MCFD2: variants seen among roughly 807,000 people sequenced by gnomAD.
The protein encoded by MCFD2 is multiple coagulation factor deficiency 2, ER cargo receptor complex subunit.
In MCFD2, 11 loss-of-function variants were observed where a neutral mutation model predicts 12.8. The observed-to-expected ratio is 0.86, with a 90% CI of 0.54 to 1.42. The LOEUF is 1.42. Among genes scored for constraint, MCFD2 ranks in the 40% most tolerant of loss-of-function variants. The pLI is 0.00. For synonymous variants in MCFD2, 70 were observed against 68.1 expected, an observed-to-expected ratio of 1.03 and a Z score of -0.14; for missense variants, 191 against 178.6, an observed-to-expected ratio of 1.07 and a Z score of -0.40.
chr2:46,922,369 G>A (rs1050877370), intron 1 of MCFD2, among the ~76,000 whole-genome samples: 1 of 152,084 alleles, frequency 6.6e-6, no homozygotes, highest in East Asian at 1.9e-4. Flanking sequence ...ATGTGGCCTG[G>A]GCTGAGGCTA....
rs1670350774 is a variant in MCFD2, at chr2:46,941,365, T to TGCC, written c.-8+206_-8+207insGGC. 1 of 335,198 alleles carries TGCC rather than the reference T, an allele frequency of 3.0e-6. No individual in the cohort carries two copies. Among genetic ancestry groups the TGCC allele is most frequent in the Non-Finnish European group, 4.6e-6 (1 of 216,602 alleles). The allele number at this position is 335,198 out of a possible 1,614,324, so 20.8% of individuals were successfully genotyped here. A position where few individuals can be genotyped will look rare whatever the true frequency, so the allele number is the denominator to read the frequency against. On this transcript the variant is annotated intron_variant, in intron 1 of 2. Transcript: ENST00000409147. The surrounding 1 kb of genome is among the most constrained non-coding windows in gnomAD (Gnocchi z 4.2). The stretch of plus-strand genomic sequence containing the variant: ...CGGGCGGTGCGCTGGGAGCTGCTGG[T>TGCC]GCTGCTGCTGCTGCTGCTGCCCACC...
intron 1 of MCFD2, among the ~76,000 whole-genome samples, chr2:46,909,664 G>T (rs1668401389): frequency 6.6e-6 from 1 of 152,216 alleles, no homozygotes. Flanking sequence ...TGCAGGGACT[G>T]AAGGACCACA....
intron 1 of MCFD2, among the ~76,000 whole-genome samples, chr2:46,935,610 T>C (rs1669940164): frequency 6.6e-6 from 1 of 152,162 alleles, no homozygotes; most frequent in Admixed American, 6.5e-5. Flanking sequence ...TTTACTTTTC[T>C]AGATAGCATT....
At chr2:46,911,951 G>A (rs1281781044) in intron 1 of MCFD2, among the ~76,000 whole-genome samples, 1 of 152,086 alleles carries the variant, frequency 6.6e-6, no homozygotes, top group Non-Finnish European at 1.5e-5. Context: ...TATATGGATC[G>A]GATACAAAAG....
chr2:46,927,137 T>C (rs13419141), intron 1 of MCFD2, among the ~76,000 whole-genome samples: 1 of 151,994 alleles, frequency 6.6e-6, no homozygotes, highest in Non-Finnish European at 1.5e-5. Flanking sequence ...TTGTATGTAG[T>C]TGGAGTCACA....
chr2:46,908,361 G>GT lies in MCFD2; in HGVS notation c.150-393dup, dbSNP rs1668335468. The GT allele has an allele frequency of 9.6e-6, 3 of 313,362 alleles. No individual in the cohort carries two copies. The highest frequency in any genetic ancestry group is 1.8e-5 in the Non-Finnish European group (3 of 163,118). 19.4% of individuals were successfully genotyped at this position (313,362 alleles called of 1,614,324 possible). ...TTGTAGCCTCAACTTCCCAAGCTCA[G>GT]TTGATTCTCCCACTTCAGCCCCCCA... On this transcript the variant is annotated intron_variant, in intron 2 of 3. Coordinates refer to ENST00000319466, the MANE Select transcript of MCFD2 (RefSeq NM_139279.6). This position sits in a 1 kb window ranked among gnomAD's most constrained non-coding sequence, Gnocchi z 4.5.
intron 1 of MCFD2, among the ~76,000 whole-genome samples, chr2:46,934,000 C>T (rs952942262): frequency 6.6e-6 from 1 of 152,118 alleles, no homozygotes; most frequent in Non-Finnish European, 1.5e-5. Context: ...CACTTGGTGA[C>T]CTCCAGCCCA....
At chr2:46,919,861 T>A (rs754951883), upstream of MCFD2, among the ~76,000 whole-genome samples, 3 of 152,266 alleles carry the variant, frequency 2.0e-5, no homozygotes, top group Non-Finnish European at 2.9e-5. Context: ...TCTATCACCC[T>A]TGCATTGGAT....
chr2:46,938,376 A>T (rs995924095), intron 1 of MCFD2, among the ~76,000 whole-genome samples: 1 of 152,088 alleles, frequency 6.6e-6, no homozygotes, highest in African/African-American at 2.4e-5. Context: ...CTTGGGTCAT[A>T]CGCCTATCTA....
rs924559890 is a variant in MCFD2 at position 46,930,493 on chromosome 2, T to C, written c.-8+11079A>G. ...AAGAAGAAATGGAAATTTGAAGTCC[T>C]ATAATTTTTTTTTTTTTTTTTTTTA... On this transcript the variant is annotated intron_variant, in intron 1 of 2. Coordinates refer to the MCFD2 transcript ENST00000409147. Among the ~76,000 whole-genome samples the C allele has an allele frequency of 2.4e-4, 35 of 146,984 alleles. No homozygotes were observed. The East Asian group carries it at 6.5e-3, about 27-fold the overall frequency.
At chr2:46,915,654 C>G (rs574244030) in intron 1 of MCFD2, 69 bp downstream of exon 1, 3 of 570,400 alleles carry the variant, frequency 5.3e-6, no homozygotes, top group East Asian at 3.0e-4. Context: ...CATCTTGAGC[C>G]CAAGCCTCCA....
In MCFD2 at chr2:46,905,605, C is replaced by G. The variant is rs144139062; in HGVS notation, c.310-11G>C. 9.9e-4 allele frequency: 1,510 copies of G among 1,522,600 alleles called. 15 individuals are homozygous for G. The African/African-American group carries it at 0.02, about 20-fold the overall frequency. 94.3% of individuals were successfully genotyped at this position (1,522,600 alleles called of 1,614,324 possible). ...CTGTTCACTCCCTTCCTACAAAATACAAATTAGACAATGATGAGTTGCGCA... is the reference window on the plus strand; with the variant it reads ...CTGTTCACTCCCTTCCTACAAAATAGAAATTAGACAATGATGAGTTGCGCA... On this transcript the variant is annotated splice_polypyrimidine_tract_variant and intron_variant, in intron 3 of 3. Transcript: ENST00000319466.
rs1670046500 is a variant in MCFD2 at position 46,937,652 on chromosome 2, G to C, written c.-8+3920C>G. Among the ~76,000 whole-genome samples, 1 of 152,152 alleles carries C rather than the reference G, an allele frequency of 6.6e-6. No individual in the cohort carries two copies. ...AGGGTCTCACTAGATTGTCCAGGCT[G>C]GTCTTGAATTCCTGGACTCAAGTGA... On this transcript the variant is annotated intron_variant, in intron 1 of 2. Transcript: ENST00000409147. This position sits in a 1 kb window ranked among gnomAD's most constrained non-coding sequence, Gnocchi z 4.0.
intron 1 of MCFD2, 63 bp downstream of exon 1, chr2:46,915,660 C>T (rs1409705421): frequency 8.1e-6 from 5 of 619,956 alleles, no homozygotes; most frequent in East Asian, 1.4e-4. Context: ...GAGCCCAAGC[C>T]TCCAGCCCAC....
intron 1 of MCFD2, among the ~76,000 whole-genome samples, chr2:46,939,745 T>G (rs765528611): frequency 2.0e-5 from 3 of 152,220 alleles, no homozygotes; most frequent in Non-Finnish European, 4.4e-5. Flanking sequence ...CGGGTCACCC[T>G]AATCCAACCG....
intron 1 of MCFD2, among the ~76,000 whole-genome samples, chr2:46,923,079 C>A (rs929516357): frequency 6.6e-6 from 1 of 152,230 alleles, no homozygotes; most frequent in East Asian, 1.9e-4. Context: ...GTGCTTCTGT[C>A]CCCATGGAGT....
In MCFD2 at chr2:46,907,534, A is replaced by G. The variant is rs1668296320; in HGVS notation, c.309+276T>C. On this transcript the variant is annotated intron_variant, in intron 3 of 3. Coordinates refer to ENST00000319466, the MANE Select transcript of MCFD2 (RefSeq NM_139279.6). This position sits in a 1 kb window ranked among gnomAD's most constrained non-coding sequence, Gnocchi z 4.1. Reference sequence around the variant, plus strand: ...TGAGTACGTAGAACTACGGGCATGCACTACCAGGCCTGGCTAATTTTTTAA... The same window carrying G: ...TGAGTACGTAGAACTACGGGCATGCGCTACCAGGCCTGGCTAATTTTTTAA... 4 of 429,322 alleles carry G rather than the reference A, an allele frequency of 9.3e-6. No individual in the cohort carries two copies. Among genetic ancestry groups the G allele is most frequent in the East Asian group, 5.0e-5 (1 of 19,862 alleles). 26.6% of individuals were successfully genotyped at this position (429,322 alleles called of 1,614,324 possible).
At chr2:46,925,424 G>T (rs1049532007) in intron 1 of MCFD2, among the ~76,000 whole-genome samples, 1 of 152,182 alleles carries the variant, frequency 6.6e-6, no homozygotes, top group Non-Finnish European at 1.5e-5. Context: ...CGGGCATGGT[G>T]GTGGGCGCTT....
chr2:46,931,919 A>C (rs1669726957), intron 1 of MCFD2, among the ~76,000 whole-genome samples: 1 of 152,216 alleles, frequency 6.6e-6, no homozygotes, highest in Non-Finnish European at 1.5e-5. Flanking sequence ...TAATACAACT[A>C]AGTTGATTCC....
Sources: gnomAD v4.1 joint callset for allele counts (sites outside exome capture counted in the v4.1 genomes callset) on GRCh38, gnomAD v4.1.1 for gene constraint, Gnocchi (gnomAD v3.1) non-coding constraint, MANE v1.5 for transcripts, NCBI Gene and HGNC (gene_info 2026-07-23, HGNC 2026-07-21) for gene names.